Variants in CELF5 observed in about 807,000 individuals in gnomAD.
The protein encoded by CELF5 is CUGBP Elav-like family member 5, also known as CUG-BP and ETR-3 like factor 5.
A neutral mutation model predicts 54.9 loss-of-function variants in CELF5; 6 were observed. The ratio of observed to expected loss-of-function variants is 0.11; its 90% CI spans 0.06 to 0.22. CELF5 has a LOEUF of 0.22. CELF5 is among the 10% of genes least tolerant of loss of function. The probability of loss-of-function intolerance (pLI) is 1.00; values close to 1 mark genes in which losing one functional copy is unlikely to be tolerated. For synonymous variants in CELF5, 271 were observed against 290.9 expected (o/e 0.93, Z 0.70); for missense variants, 401 against 678.6 (o/e 0.59, Z 4.54).
chr19:3,243,023 C>T (rs1261010411), intron 1 of CELF5, among the ~76,000 whole-genome samples: 1 of 152,030 alleles, frequency 6.6e-6, no homozygotes, highest in Non-Finnish European at 1.5e-5. Flanking sequence ...CCTGTGTGAC[C>T]TTGGGCAAGC....
chr19:3,285,991 G>T lies in CELF5; in HGVS notation c.1152G>T (p.Gln384His). The change falls in exon 10 of 13, where the codon CAG (glutamine) becomes CAT (histidine). Residue 384 changes from glutamine to histidine, a missense_variant. Gln to His is a conservative substitution (Grantham distance 24, BLOSUM62 0). Around this residue, in one of 6 missense-constraint regions of CELF5, gnomAD observed 143 missense variants for 147.6 expected, o/e 0.97. Coordinates refer to ENST00000292672, the MANE Select transcript of CELF5 (RefSeq NM_021938.4). Reference protein sequence around the residue: ...AITPIAHSVPQPPPLLQQQQR... With the variant: ...AITPIAHSVPHPPPLLQQQQR... The stretch of plus-strand genomic sequence containing the variant: ...CGCCCATCGCGCACAGCGTCCCCCA[G>T]CCGCCGCCCCTCCTGCAGCAGCAGC... 1.3e-6 allele frequency: 2 copies of T among 1,583,734 alleles called. No homozygotes were observed.
chr19:3,245,029 G>A (rs1405899458), intron 1 of CELF5, among the ~76,000 whole-genome samples: 1 of 148,766 alleles, frequency 6.7e-6, no homozygotes, highest in Admixed American at 6.7e-5. Flanking sequence ...TGTGTGGTGT[G>A]TGCATGCATC....
At chr19:3,263,075 G>A (rs1380552105) in intron 2 of CELF5, among the ~76,000 whole-genome samples, 1 of 151,342 alleles carries the variant, frequency 6.6e-6, no homozygotes, top group Non-Finnish European at 1.5e-5. Context: ...GTGAAACTCC[G>A]TCTCTACTAA....
chr19:3,273,954 G>T, intron 3 of CELF5, 31 bp downstream of exon 3: 1 of 1,607,372 alleles, frequency 6.2e-7, no homozygotes, highest in South Asian at 1.1e-5. Flanking sequence ...GCCAGGCTGG[G>T]GGTTGGCGGA....
chr19:3,283,343 T>A (rs2080182738), intron 8 of CELF5, among the ~76,000 whole-genome samples: 1 of 152,198 alleles, frequency 6.6e-6, no homozygotes, highest in Admixed American at 6.5e-5. Flanking sequence ...TTTATTTTTT[T>A]AATTATTTTT....
At chr19:3,251,095 A>G (rs1272773496) in intron 2 of CELF5, 28 bp downstream of exon 2, 2 of 1,450,724 alleles carry the variant, frequency 1.4e-6, no homozygotes, top group Non-Finnish European at 1.9e-6. Context: ...TCTGGGGAGG[A>G]GGGGACAGGG....
chr19:3,281,473 C>A lies in CELF5; in HGVS notation c.750+128C>A. ...GGTCCTCTCCTGGCGTGGCTGAACC[C>A]CAACTCCAAATTGAGACCAAGCTCA... On this transcript the variant is annotated intron_variant, in intron 6 of 12. Transcript: ENST00000292672. This position sits in a 1 kb window ranked among gnomAD's most constrained non-coding sequence, Gnocchi z 6.5. 9.5e-7 allele frequency: 1 copy of A among 1,056,960 alleles called. No individual in the cohort carries two copies. The highest frequency in any genetic ancestry group is 2.4e-5 in the East Asian group (1 of 40,984). 65.5% of individuals were successfully genotyped at this position (1,056,960 alleles called of 1,614,324 possible). A position where few individuals can be genotyped will look rare whatever the true frequency, so the allele number is the denominator to read the frequency against.
intron 2 of CELF5, among the ~76,000 whole-genome samples, chr19:3,266,841 C>T (rs959269252): frequency 6.6e-6 from 1 of 152,204 alleles, no homozygotes; most frequent in Admixed American, 6.5e-5. Flanking sequence ...CTGCCAGCCA[C>T]GTCTGAGCAC....
At position 3,278,558 on chromosome 19, in the gene CELF5, G is replaced by C. The variant is rs140874510; in HGVS notation, c.603+448G>C. Among the ~76,000 whole-genome samples, 7 of 152,176 alleles carry C rather than the reference G, an allele frequency of 4.6e-5. No individual in the cohort carries two copies. The highest frequency in any genetic ancestry group is 1.7e-4 in the African/African-American group (7 of 41,508). ...TGTGCTAGTGTAGAGATACTAGTGC[G>C]TGTGCGTGTATGAGAGTGTACATGT... On this transcript the variant is annotated intron_variant, in intron 5 of 12. Coordinates refer to ENST00000292672, the MANE Select transcript of CELF5 (RefSeq NM_021938.4). The surrounding 1 kb of genome is among the most constrained non-coding windows in gnomAD (Gnocchi z 4.5).
At chr19:3,242,957 C>T (rs1483568064) in intron 1 of CELF5, among the ~76,000 whole-genome samples, 1 of 142,526 alleles carries the variant, frequency 7.0e-6, no homozygotes, top group Non-Finnish European at 1.5e-5. Context: ...GAGCGAGACT[C>T]CATCTCAAAT....
chr19:3,270,436 G>C (rs993622184), intron 2 of CELF5, among the ~76,000 whole-genome samples: 1 of 151,854 alleles, frequency 6.6e-6, no homozygotes, highest in Non-Finnish European at 1.5e-5. Flanking sequence ...CCAGATGGAC[G>C]GGCAGGGGCG....
chr19:3,291,926 C>G (rs532428485), intron 11 of CELF5, among the ~76,000 whole-genome samples: 3 of 121,500 alleles, frequency 2.5e-5, no homozygotes, highest in African/African-American at 5.6e-5. Context: ...GGAGTAGAAC[C>G]AGACTCTTTT....
intron 1 of CELF5, among the ~76,000 whole-genome samples, chr19:3,245,119 G>T (rs1033300772): frequency 2.0e-5 from 3 of 149,160 alleles, no homozygotes; most frequent in South Asian, 2.1e-4. Context: ...ACCTGTGCAT[G>T]TGTGTGTGTA....
chr19:3,281,454 CT>C lies in CELF5; in HGVS notation c.750+110del. 7.7e-7 allele frequency: 1 copy of C among 1,291,972 alleles called. No individual in the cohort carries two copies. The highest frequency in any genetic ancestry group is 1.4e-5 in the South Asian group (1 of 72,590). 80.0% of individuals were successfully genotyped at this position (1,291,972 alleles called of 1,614,324 possible). A position where few individuals can be genotyped will look rare whatever the true frequency, so the allele number is the denominator to read the frequency against. ...CTCCATCTCCCTGACTCAGGGTCCT[CT>C]CCTGGCGTGGCTGAACCCCAACTCC... On this transcript the variant is annotated intron_variant, in intron 6 of 12. Coordinates refer to ENST00000292672, the MANE Select transcript of CELF5 (RefSeq NM_021938.4). This position sits in a 1 kb window ranked among gnomAD's most constrained non-coding sequence, Gnocchi z 6.5.
At chr19:3,243,993 G>T (rs955649044) in intron 1 of CELF5, among the ~76,000 whole-genome samples, 1 of 151,958 alleles carries the variant, frequency 6.6e-6, no homozygotes, top group Non-Finnish European at 1.5e-5. Flanking sequence ...AGTCACATTC[G>T]GAGGTCCTGG....
At chr19:3,246,207 T>C (rs756857020) in intron 1 of CELF5, among the ~76,000 whole-genome samples, 8 of 151,972 alleles carry the variant, frequency 5.3e-5, no homozygotes, top group Non-Finnish European at 1.0e-4. Flanking sequence ...CTATTAAAAA[T>C]ACAAAAGTTA....
At chr19:3,266,557 G>A (rs1464344736) in intron 2 of CELF5, among the ~76,000 whole-genome samples, 1 of 152,226 alleles carries the variant, frequency 6.6e-6, no homozygotes. Context: ...CCATTCCCCT[G>A]TTGGGGGACA....
chr19:3,226,705 C>G (rs1916939691), intron 1 of CELF5, among the ~76,000 whole-genome samples: 1 of 151,886 alleles, frequency 6.6e-6, no homozygotes, highest in African/African-American at 2.4e-5. Context: ...GCTGGTTGAG[C>G]TCTAGGTCGG....
intron 1 of CELF5, among the ~76,000 whole-genome samples, chr19:3,247,490 G>T (rs2079583687): frequency 6.6e-6 from 1 of 150,610 alleles, no homozygotes; most frequent in African/African-American, 2.4e-5. Context: ...TTGAAATTGT[G>T]AACTCAAGTG....
Sources: allele counts gnomAD v4.1 joint callset (sites outside exome capture counted in the v4.1 genomes callset), GRCh38; gene constraint gnomAD v4.1.1; regional missense constraint gnomAD v4.1.1; non-coding constraint Gnocchi (gnomAD v3.1); transcripts MANE v1.5; gene names NCBI Gene and HGNC (gene_info 2026-07-23, HGNC 2026-07-21).